TTC28: variants seen among roughly 807,000 people sequenced by gnomAD.
TTC28 encodes tetratricopeptide repeat domain 28, also known as tetratricopeptide repeat protein 28.
Under a neutral mutation model 198.0 loss-of-function variants are expected in TTC28, and 61 were observed. That is an observed-to-expected ratio of 0.31 (90% CI 0.25 to 0.38). The LOEUF is 0.38. Among genes scored for constraint, TTC28 ranks in the 10% least tolerant of loss-of-function variants. The probability of loss-of-function intolerance (pLI) is 1.00; values close to 1 mark genes in which losing one functional copy is unlikely to be tolerated. For synonymous variants in TTC28, 1,171 were observed against 1,297.8 expected, an observed-to-expected ratio of 0.90 and a Z score of 2.10; for missense variants, 2,678 against 3,164.0, an observed-to-expected ratio of 0.85 and a Z score of 3.69.
chr22:28,225,863 C>T (rs1302698714), intron 5 of TTC28, among the ~76,000 whole-genome samples: 2 of 152,158 alleles, frequency 1.3e-5, no homozygotes, highest in African/African-American at 4.8e-5. Flanking sequence ...TTTTGTAGAG[C>T]TTCATATAAG....
At chr22:28,609,219 T>C (rs1601618283) in intron 2 of TTC28, among the ~76,000 whole-genome samples, 1 of 152,282 alleles carries the variant, frequency 6.6e-6, no homozygotes, top group East Asian at 1.9e-4. Flanking sequence ...AAAAAGAAAG[T>C]ATGTTTTTTG....
intron 12 of TTC28, among the ~76,000 whole-genome samples, chr22:28,033,946 T>C (rs913476265): frequency 2.0e-5 from 3 of 152,124 alleles, no homozygotes; most frequent in African/African-American, 7.2e-5. Context: ...AATAAATTAT[T>C]ACATAGTAGT....
chr22:28,376,637 C>A (rs920753346), intron 2 of TTC28, among the ~76,000 whole-genome samples: 5 of 152,148 alleles, frequency 3.3e-5, no homozygotes, highest in African/African-American at 1.2e-4. Flanking sequence ...TCTAAGTGCA[C>A]TGCCTAGAGA....
At chr22:28,625,558 A>G (rs1163687064) in intron 2 of TTC28, among the ~76,000 whole-genome samples, 1 of 152,224 alleles carries the variant, frequency 6.6e-6, no homozygotes, top group Non-Finnish European at 1.5e-5. Context: ...GCCTAAGTAA[A>G]TGGAGGAATA....
At chr22:28,415,134 A>G (rs906840724) in intron 2 of TTC28, among the ~76,000 whole-genome samples, 9 of 152,216 alleles carry the variant, frequency 5.9e-5, no homozygotes, top group African/African-American at 1.9e-4. Context: ...GAAAATGATC[A>G]AGCAAAACAT....
chr22:28,253,966 A>C (rs1046607575), intron 5 of TTC28, among the ~76,000 whole-genome samples: 3 of 151,954 alleles, frequency 2.0e-5, no homozygotes, highest in Admixed American at 1.3e-4. Context: ...TTAGCCAGGC[A>C]TGGTGGTGCA....
intron 1 of TTC28, among the ~76,000 whole-genome samples, chr22:28,654,579 C>T (rs1256556375): frequency 3.3e-5 from 5 of 152,132 alleles, no homozygotes; most frequent in African/African-American, 1.2e-4. Context: ...CCACCCGCCT[C>T]GGCCTCCCAA....
intron 13 of TTC28, among the ~76,000 whole-genome samples, chr22:28,028,113 G>A (rs1008298333): frequency 1.3e-5 from 2 of 152,174 alleles, no homozygotes; most frequent in African/African-American, 2.4e-5. Context: ...GAAGAACGCC[G>A]GCTATTTCCC....
intron 2 of TTC28, among the ~76,000 whole-genome samples, chr22:28,554,229 A>T (rs2049750890): frequency 6.6e-6 from 1 of 151,990 alleles, no homozygotes; most frequent in South Asian, 2.1e-4. Flanking sequence ...CAGGGACACA[A>T]ACACTGCGGA....
At chr22:28,466,734 C>A (rs1454548868) in intron 2 of TTC28, among the ~76,000 whole-genome samples, 2 of 151,770 alleles carry the variant, frequency 1.3e-5, no homozygotes, top group Non-Finnish European at 2.9e-5. Flanking sequence ...CAATACCCAC[C>A]CTTCACCCTT....
intron 12 of TTC28, among the ~76,000 whole-genome samples, chr22:28,082,320 C>T (rs1450573451): frequency 6.6e-6 from 1 of 152,172 alleles, no homozygotes; most frequent in Non-Finnish European, 1.5e-5. Flanking sequence ...GGCATCCTTG[C>T]CTTGTTCCTG....
chr22:28,604,296 ATT>A lies in TTC28; in HGVS notation c.381+25254_381+25255del, dbSNP rs1491454939. On this transcript the variant is annotated intron_variant, in intron 2 of 22. Coordinates refer to ENST00000397906, the MANE Select transcript of TTC28 (RefSeq NM_001145418.2). The stretch of plus-strand genomic sequence containing the variant: ...CAGTCTTAAACAGAAAAAAAAAAAA[ATT>A]ATATATATATATATATATATATATG... Among the ~76,000 whole-genome samples, 5 of 75,076 alleles carry A rather than the reference ATT, an allele frequency of 6.7e-5. 1 individual carries two copies. The highest frequency in any genetic ancestry group is 2.9e-4 in the African/African-American group (5 of 17,416). The allele number at this position is 75,076 out of a possible 152,430, so 49.3% of individuals were successfully genotyped here.
chr22:27,994,744 G>A (rs1937521557), intron 17 of TTC28: 1 of 152,438 alleles, frequency 6.6e-6, no homozygotes, highest in Non-Finnish European at 1.5e-5. Flanking sequence ...TGGGCCTGAG[G>A]GGCCTCAAGG....
At chr22:28,094,641 T>A (rs1402128804) in intron 11 of TTC28, among the ~76,000 whole-genome samples, 1 of 152,174 alleles carries the variant, frequency 6.6e-6, no homozygotes, top group Admixed American at 6.5e-5. Flanking sequence ...AAGACAAATA[T>A]AATTGACCAA....
At chr22:28,219,329 T>C (rs1927661532) in intron 5 of TTC28, among the ~76,000 whole-genome samples, 1 of 152,018 alleles carries the variant, frequency 6.6e-6, no homozygotes, top group Middle Eastern at 3.2e-3. Context: ...ACCAACATGA[T>C]GAAATCCTCT....
At chr22:28,500,662 T>A (rs1250951653) in intron 2 of TTC28, among the ~76,000 whole-genome samples, 1 of 152,176 alleles carries the variant, frequency 6.6e-6, no homozygotes, top group Non-Finnish European at 1.5e-5. Flanking sequence ...GACTACGATA[T>A]GCAGAAAGCT....
In TTC28 at chr22:27,982,742, T is replaced by C. The variant is rs1256021321; in HGVS notation, c.6925A>G (p.Ser2309Gly). 2.6e-6 allele frequency: 4 copies of C among 1,551,144 alleles called. No homozygotes were observed. Among genetic ancestry groups the C allele is most frequent in the Admixed American group, 3.9e-5 (2 of 50,964 alleles). ...CCAGCAGGAGACTGGTGGCCGGAGCTTGGGGACATGTTCCTTGGTGATTTG... is the reference window on the plus strand; with the variant it reads ...CCAGCAGGAGACTGGTGGCCGGAGCCTGGGGACATGTTCCTTGGTGATTTG... ...ISKSPRNMSP[S>G]SGHQSPAGSA... The change falls in exon 23 of 23, where the codon AGC (serine) becomes GGC (glycine). Residue 2309 changes from serine (S) to glycine (G), a missense_variant. This residue lies in a region of TTC28 where 622 missense variants were observed against 656.0 expected (regional missense o/e 0.95). Transcript: ENST00000397906. The surrounding 1 kb of genome is among the most constrained non-coding windows in gnomAD (Gnocchi z 5.2).
At chr22:28,645,445 G>C (rs1010871541) in intron 1 of TTC28, among the ~76,000 whole-genome samples, 46 of 151,132 alleles carry the variant, frequency 3.0e-4, no homozygotes, top group African/African-American at 1.1e-3. Context: ...TGGCCAACAT[G>C]GTGAAACCCC....
intron 2 of TTC28, among the ~76,000 whole-genome samples, chr22:28,591,034 C>CAAAT (rs2050422125): frequency 4.2e-5 from 2 of 48,072 alleles, no homozygotes; most frequent in Non-Finnish European, 8.2e-5. Flanking sequence ...CACACACACA[C>CAAAT]ACACACATAT....
Sources: allele counts gnomAD v4.1 joint callset (sites outside exome capture counted in the v4.1 genomes callset), GRCh38; gene constraint gnomAD v4.1.1; regional missense constraint gnomAD v4.1.1; non-coding constraint Gnocchi (gnomAD v3.1); transcripts MANE v1.5; gene names NCBI Gene and HGNC (gene_info 2026-07-23, HGNC 2026-07-21).